B3GAT1: variants seen among roughly 807,000 people sequenced by gnomAD.
B3GAT1 encodes beta-1,3-glucuronyltransferase 1.
A neutral mutation model predicts 28.4 loss-of-function variants in B3GAT1; 11 were observed. The observed-to-expected ratio is 0.39, with a 90% CI of 0.24 to 0.64. B3GAT1 has a LOEUF of 0.64. B3GAT1 is among the 30% of genes least tolerant of loss of function. The probability of loss-of-function intolerance (pLI) is 0.50; values close to 1 mark genes in which losing one functional copy is unlikely to be tolerated. For synonymous variants in B3GAT1, 255 were observed against 223.1 expected, an observed-to-expected ratio of 1.14 and a Z score of -1.27; for missense variants, 375 against 491.0, an observed-to-expected ratio of 0.76 and a Z score of 2.23.
rs1944861630 is a variant in B3GAT1, at chr11:134,411,718, C to T, written c.-282+89G>A. ...CACACACACACACCCCAGCGCGCGC[C>T]CGGGAGGACATGGCGTGGGCACCGA... On this transcript the variant is annotated intron_variant, in intron 1 of 5. Transcript: ENST00000312527. This position sits in a 1 kb window ranked among gnomAD's most constrained non-coding sequence, Gnocchi z 6.0. The T allele has an allele frequency of 2.0e-5, 3 of 152,342 alleles. No homozygotes were observed. The highest frequency in any genetic ancestry group is 2.0e-4 in the Admixed American group (3 of 15,254). The allele number at this position is 152,342 out of a possible 1,614,324, so 9.4% of individuals were successfully genotyped here.
intron 4 of B3GAT1, among the ~76,000 whole-genome samples, chr11:134,382,306 A>T (rs1733844582): frequency 6.6e-6 from 1 of 151,854 alleles, no homozygotes; most frequent in Non-Finnish European, 1.5e-5. Context: ...AGACTTCCCA[A>T]GTGTGTGTGT....
intron 1 of B3GAT1, among the ~76,000 whole-genome samples, chr11:134,397,547 G>C (rs891679980): frequency 2.3e-4 from 32 of 141,246 alleles, no homozygotes; most frequent in Admixed American, 6.8e-4. Flanking sequence ...GGGGGCCAGA[G>C]GGCAGTGCCC....
At chr11:134,398,099 G>C (rs1470454226) in intron 1 of B3GAT1, among the ~76,000 whole-genome samples, 1 of 152,188 alleles carries the variant, frequency 6.6e-6, no homozygotes, top group African/African-American at 2.4e-5. Context: ...GGCTGTGCTG[G>C]CCACCACAGA....
At chr11:134,381,484 C>T (rs908303744) in intron 5 of B3GAT1, among the ~76,000 whole-genome samples, 2 of 152,206 alleles carry the variant, frequency 1.3e-5, no homozygotes, top group Admixed American at 1.3e-4. Flanking sequence ...CTCTGCGCTA[C>T]CTCTCACTAT....
At position 134,387,581 on chromosome 11, in the gene B3GAT1, T is replaced by G; in HGVS notation, c.79A>C (p.Ser27Arg). ...WTLLITVWHQSTLAPLLAVHK... is the reference protein window; with the variant it reads ...WTLLITVWHQRTLAPLLAVHK... Reference sequence around the variant, plus strand: ...ACCGCGAGCAGGGGTGCGAGGGTGCTCTGGTGCCAGACAGTGATGAGCAGA... The same window carrying G: ...ACCGCGAGCAGGGGTGCGAGGGTGCGCTGGTGCCAGACAGTGATGAGCAGA... The change falls in exon 2 of 6, where the codon AGC (serine) becomes CGC (arginine). Residue 27 changes from serine (S) to arginine (R), a missense_variant. Transcript: ENST00000312527. 1 of 1,614,086 alleles carries G rather than the reference T, an allele frequency of 6.2e-7. No homozygotes were observed. The highest frequency in any genetic ancestry group is 8.5e-7 in the Non-Finnish European group (1 of 1,180,022).
intron 1 of B3GAT1, among the ~76,000 whole-genome samples, chr11:134,410,360 C>T (rs1301174085): frequency 6.6e-6 from 1 of 152,238 alleles, no homozygotes; most frequent in Non-Finnish European, 1.5e-5. Flanking sequence ...GAGCTCCTGG[C>T]TCCAGTGCTG....
At chr11:134,409,668 T>C (rs1232645290) in intron 1 of B3GAT1, 1 of 152,300 alleles carries the variant, frequency 6.6e-6, no homozygotes, top group Non-Finnish European at 1.5e-5. Flanking sequence ...GAGGTCGATG[T>C]AGGGGAACAG....
intron 1 of B3GAT1, among the ~76,000 whole-genome samples, chr11:134,404,027 A>T (rs181933633): frequency 0.016 from 1,757 of 106,638 alleles, 62 homozygotes; most frequent in African/African-American, 0.051. Context: ...ATATATATAT[A>T]TATTTATTAT....
chr11:134,387,428 G>C, intron 2 of B3GAT1, 120 bp downstream of exon 2: 2 of 1,340,904 alleles, frequency 1.5e-6, no homozygotes, highest in Non-Finnish European at 2.0e-6. Flanking sequence ...AAGGGGCCTA[G>C]ATGATCCCGT....
At chr11:134,409,509 T>C (rs1944808979) in intron 1 of B3GAT1, among the ~76,000 whole-genome samples, 1 of 152,222 alleles carries the variant, frequency 6.6e-6, no homozygotes, top group African/African-American at 2.4e-5. Context: ...AAGCTCTTGA[T>C]GTGCTTGACC....
At chr11:134,396,629 A>G (rs554079919) in intron 1 of B3GAT1, among the ~76,000 whole-genome samples, 1 of 152,296 alleles carries the variant, frequency 6.6e-6, no homozygotes, top group Admixed American at 6.5e-5. Flanking sequence ...AACTAGAAAA[A>G]AAAAAATCAG....
At chr11:134,387,369 T>C (rs1410342325) in intron 2 of B3GAT1, among the ~76,000 whole-genome samples, 179 bp downstream of exon 2, 1 of 152,174 alleles carries the variant, frequency 6.6e-6, no homozygotes, top group African/African-American at 2.4e-5. Context: ...TAAAACTGTG[T>C]GGGTAGCTTC....
At chr11:134,384,842 T>C (rs1158513718) in intron 2 of B3GAT1, 7 of 152,252 alleles carry the variant, frequency 4.6e-5, no homozygotes. Context: ...AAGGTATATG[T>C]AGATCTAGCA....
intron 5 of B3GAT1, 97 bp downstream of exon 5, chr11:134,381,827 A>G: frequency 9.9e-7 from 1 of 1,010,812 alleles, no homozygotes; most frequent in East Asian, 2.5e-5. Flanking sequence ...CCTGTCCTCC[A>G]CAGTGAAAGC....
chr11:134,389,305 C>A (rs909652386), intron 1 of B3GAT1: 1 of 152,270 alleles, frequency 6.6e-6, no homozygotes, highest in Non-Finnish European at 1.5e-5. Context: ...TGGAGCACCG[C>A]TCTGTGCAGG....
In B3GAT1 at chr11:134,393,056, G is replaced by A. The variant is rs947082002; in HGVS notation, c.-281-5116C>T. Among the ~76,000 whole-genome samples the A allele has an allele frequency of 6.6e-6, 1 of 152,188 alleles. No homozygotes were observed. Among genetic ancestry groups the A allele is most frequent in the Non-Finnish European group, 1.5e-5 (1 of 68,038 alleles). ...CAGCTCGCTCCAGTGCAGGTGACGTGTGAACGCAAAATGTTCCCAAAGGCC... is the reference window on the plus strand; with the variant it reads ...CAGCTCGCTCCAGTGCAGGTGACGTATGAACGCAAAATGTTCCCAAAGGCC... On this transcript the variant is annotated intron_variant, in intron 1 of 5. Coordinates refer to ENST00000312527, the MANE Select transcript of B3GAT1 (RefSeq NM_054025.3). This position sits in a 1 kb window ranked among gnomAD's most constrained non-coding sequence, Gnocchi z 4.0.
chr11:134,407,457 G>T (rs574487951), intron 1 of B3GAT1, among the ~76,000 whole-genome samples: 1 of 152,214 alleles, frequency 6.6e-6, no homozygotes, highest in Non-Finnish European at 1.5e-5. Context: ...CATTTCCCAC[G>T]TATGAGAAGA....
At chr11:134,401,184 GGTTTTCAAA>G (rs1944607182) in intron 1 of B3GAT1, among the ~76,000 whole-genome samples, 1 of 152,184 alleles carries the variant, frequency 6.6e-6, no homozygotes, top group Non-Finnish European at 1.5e-5. Flanking sequence ...GTGGTTTGGA[GGTTTTCAAA>G]GAACTTAAAA....
chr11:134,394,511 C>T (rs1391733431), intron 1 of B3GAT1, among the ~76,000 whole-genome samples: 1 of 152,238 alleles, frequency 6.6e-6, no homozygotes, highest in Non-Finnish European at 1.5e-5. Context: ...GCTCCAGGGC[C>T]AGAGCCCCCT....
Sources: allele counts gnomAD v4.1 joint callset (sites outside exome capture counted in the v4.1 genomes callset), GRCh38; gene constraint gnomAD v4.1.1; non-coding constraint Gnocchi (gnomAD v3.1); transcripts MANE v1.5; gene names NCBI Gene and HGNC (gene_info 2026-07-23, HGNC 2026-07-21).